Variants in LRRTM4 observed in about 807,000 individuals in gnomAD.
The protein encoded by LRRTM4 is leucine rich repeat transmembrane neuronal 4, also known as leucine-rich repeat transmembrane neuronal protein 4.
Under a neutral mutation model 47.6 loss-of-function variants are expected in LRRTM4, and 25 were observed. That is an observed-to-expected ratio of 0.53 (90% CI 0.38 to 0.73). The LOEUF (loss-of-function observed/expected upper bound fraction) is 0.73, where lower values mean the gene tolerates loss of function less well. LRRTM4 is among the 30% of genes least tolerant of loss of function. LRRTM4 has a pLI of 0.00. For synonymous variants in LRRTM4, 311 were observed against 269.5 expected (o/e 1.15, Z -1.51); for missense variants, 638 against 713.4 (o/e 0.89, Z 1.20).
rs931479283 is a variant in LRRTM4, at chr2:76,905,073, T to C, written c.1552-156157A>G. On this transcript the variant is annotated intron_variant, in intron 3 of 3. Coordinates refer to ENST00000409884, the MANE Select transcript of LRRTM4 (RefSeq NM_001134745.3). Reference sequence around the variant, plus strand: ...AGTGGGTCTCTGACCCCCTGACCACTGAGCAGCCTAACTAGGAGGCACCCC... The same window carrying C: ...AGTGGGTCTCTGACCCCCTGACCACCGAGCAGCCTAACTAGGAGGCACCCC... Among the ~76,000 whole-genome samples the C allele has an allele frequency of 2.6e-5, 4 of 152,052 alleles. No homozygotes were observed. In the East Asian group the frequency reaches 5.8e-4, roughly 22 times the overall value.
chr2:77,343,554 C>T (rs1356363078), intron 3 of LRRTM4, among the ~76,000 whole-genome samples: 3 of 151,604 alleles, frequency 2.0e-5, no homozygotes, highest in Non-Finnish European at 3.0e-5. Context: ...GTAACCTGTA[C>T]TAAATTTTCC....
At chr2:77,311,927 G>A (rs945596264) in intron 3 of LRRTM4, among the ~76,000 whole-genome samples, 4 of 152,180 alleles carry the variant, frequency 2.6e-5, no homozygotes, top group South Asian at 2.1e-4. Context: ...GGCAAAGCAT[G>A]TGGGGCTTAA....
chr2:77,308,979 C>A (rs1213632251), intron 3 of LRRTM4, among the ~76,000 whole-genome samples: 2 of 151,774 alleles, frequency 1.3e-5, no homozygotes, highest in African/African-American at 4.8e-5. Context: ...ATTTTCAAAC[C>A]CAGAATTTCC....
chr2:76,891,568 C>A (rs1673255511), intron 3 of LRRTM4, among the ~76,000 whole-genome samples: 1 of 150,388 alleles, frequency 6.6e-6, no homozygotes, highest in African/African-American at 2.4e-5. Context: ...AAAAAAAATC[C>A]AAATACGAAT....
intron 3 of LRRTM4, among the ~76,000 whole-genome samples, chr2:76,927,199 A>G (rs916777267): frequency 2.0e-5 from 3 of 152,104 alleles, no homozygotes; most frequent in African/African-American, 7.2e-5. Context: ...CTAGACCTGC[A>G]TAGTACCATC....
intron 3 of LRRTM4, among the ~76,000 whole-genome samples, chr2:77,041,230 ATGT>A (rs1254739903): frequency 3.3e-5 from 5 of 151,588 alleles, no homozygotes; most frequent in African/African-American, 1.2e-4. Context: ...GGGTTCATCC[ATGT>A]TGTTGTAAAT....
intron 3 of LRRTM4, among the ~76,000 whole-genome samples, chr2:76,770,009 T>C (rs1238249573): frequency 6.6e-6 from 1 of 152,194 alleles, no homozygotes; most frequent in Non-Finnish European, 1.5e-5. Flanking sequence ...CCCAGGAATC[T>C]GTTTGAGCAG....
chr2:76,937,335 G>A (rs1327187952), intron 3 of LRRTM4, among the ~76,000 whole-genome samples: 1 of 151,996 alleles, frequency 6.6e-6, no homozygotes, highest in African/African-American at 2.4e-5. Flanking sequence ...GAAAAATGGG[G>A]GTTTCTAGGA....
In LRRTM4 at chr2:77,353,233, C is replaced by G. The variant is rs76213538; in HGVS notation, c.1551+165085G>C. ...GTGTTAACATCTGTTGGATAGTTCTCAAGGCTTTCTTTCCCTTTTGATTTG... is the reference window on the plus strand; with the variant it reads ...GTGTTAACATCTGTTGGATAGTTCTGAAGGCTTTCTTTCCCTTTTGATTTG... On this transcript the variant is annotated intron_variant, in intron 3 of 3. Transcript: ENST00000409884. Among the ~76,000 whole-genome samples the G allele has an allele frequency of 5.1e-3, 770 of 152,202 alleles. 9 individuals are homozygous for G. Among genetic ancestry groups the G allele is most frequent in the African/African-American group, 0.017 (726 of 41,546 alleles).
At chr2:77,057,100 A>G (rs1679633355) in intron 3 of LRRTM4, among the ~76,000 whole-genome samples, 1 of 152,206 alleles carries the variant, frequency 6.6e-6, no homozygotes. Flanking sequence ...AATATTTAGC[A>G]TCTGGCTTTT....
intron 3 of LRRTM4, among the ~76,000 whole-genome samples, chr2:77,165,804 G>A (rs951551639): frequency 9.9e-5 from 15 of 152,040 alleles, no homozygotes; most frequent in South Asian, 2.1e-4. Flanking sequence ...TTGATGGGAC[G>A]TTATCTCAAA....
At chr2:77,211,904 G>A (rs1195194228) in intron 3 of LRRTM4, among the ~76,000 whole-genome samples, 1 of 151,788 alleles carries the variant, frequency 6.6e-6, no homozygotes, top group Non-Finnish European at 1.5e-5. Context: ...AAATTTTACT[G>A]TGTACTATAT....
chr2:77,342,595 A>G (rs1335955982), intron 3 of LRRTM4, among the ~76,000 whole-genome samples: 2 of 151,964 alleles, frequency 1.3e-5, no homozygotes, highest in Non-Finnish European at 2.9e-5. Context: ...ATAGAAATAA[A>G]ATTACTTAAT....
chr2:76,952,503 C>A (rs1377399764), intron 3 of LRRTM4, among the ~76,000 whole-genome samples: 1 of 151,928 alleles, frequency 6.6e-6, no homozygotes, highest in African/African-American at 2.4e-5. Context: ...CATCTCACAC[C>A]AGTCAGAATG....
intron 3 of LRRTM4, among the ~76,000 whole-genome samples, chr2:77,176,968 A>T (rs1246314490): frequency 6.6e-6 from 1 of 152,184 alleles, no homozygotes; most frequent in African/African-American, 2.4e-5. Flanking sequence ...GTCCCACGGC[A>T]GCTTCCAGAA....
chr2:77,522,225 G>T lies in LRRTM4; in HGVS notation c.-264C>A. On this transcript the variant is annotated 5_prime_UTR_variant, in exon 1 of 4. Transcript: ENST00000409884. The stretch of plus-strand genomic sequence containing the variant: ...TGCTGTATGAGACCCCAGTTTAAAA[G>T]CTATGCAGGCTAGGTTTATCCATTT... 1.5e-6 allele frequency: 1 copy of T among 679,984 alleles called. No individual in the cohort carries two copies. Among genetic ancestry groups the T allele is most frequent in the Non-Finnish European group, 2.7e-6 (1 of 368,736 alleles). 42.1% of individuals were successfully genotyped at this position (679,984 alleles called of 1,614,324 possible).
intron 3 of LRRTM4, among the ~76,000 whole-genome samples, chr2:76,801,097 C>G (rs1236434504): frequency 6.6e-5 from 10 of 151,764 alleles, no homozygotes; most frequent in Non-Finnish European, 1.0e-4. Flanking sequence ...TTGTGGAAGT[C>G]GGTGTGGCGA....
At chr2:77,346,827 T>TA (rs146860847) in intron 3 of LRRTM4, among the ~76,000 whole-genome samples, 4,710 of 152,022 alleles carry the variant, frequency 0.031, 174 homozygotes, top group African/African-American at 0.09. Flanking sequence ...AGATTGATTT[T>TA]AAAAAAAAGT....
intron 3 of LRRTM4, among the ~76,000 whole-genome samples, chr2:77,165,461 A>G (rs1672854569): frequency 6.6e-6 from 1 of 152,220 alleles, no homozygotes; most frequent in Admixed American, 6.5e-5. Context: ...AACTCATTTT[A>G]TGAGGCAGAT....
Sources: gnomAD v4.1 joint callset for allele counts (sites outside exome capture counted in the v4.1 genomes callset) on GRCh38, gnomAD v4.1.1 for gene constraint, MANE v1.5 for transcripts, NCBI Gene and HGNC (gene_info 2026-07-23, HGNC 2026-07-21) for gene names.